The following SNTG1 variants were observed in gnomAD, a reference collection of about 807,000 sequenced individuals.
SNTG1 encodes the protein syntrophin gamma 1.
In SNTG1, 39 loss-of-function variants were observed where a neutral mutation model predicts 74.7. The observed-to-expected ratio is 0.52, with a 90% CI of 0.40 to 0.68. SNTG1 has a LOEUF of 0.68. Ranked by LOEUF, SNTG1 falls within the 30% of genes least tolerant of loss-of-function variation. The pLI is 0.00. For missense variants in SNTG1, 685 were observed against 609.5 expected (o/e 1.12, Z -1.30); for synonymous variants, 254 against 217.1 (o/e 1.17, Z -1.49).
intron 1 of SNTG1, among the ~76,000 whole-genome samples, chr8:50,102,139 C>T (rs1434455036): frequency 2.0e-5 from 3 of 149,756 alleles, no homozygotes; most frequent in Non-Finnish European, 3.0e-5. Flanking sequence ...GCCACACTGA[C>T]TTCCACAATG....
At chr8:50,553,027 T>C (rs762231360) in intron 11 of SNTG1, 23 bp from the exon 12 acceptor site, 1 of 1,612,226 alleles carries the variant, frequency 6.2e-7, no homozygotes, top group Non-Finnish European at 8.5e-7. Context: ...GGTTTTGATC[T>C]GATTTGTTCT....
At chr8:50,246,588 TC>T (rs2086411201) in intron 2 of SNTG1, among the ~76,000 whole-genome samples, 1 of 152,006 alleles carries the variant, frequency 6.6e-6, no homozygotes, top group Admixed American at 6.6e-5. Flanking sequence ...CCTAATGATT[TC>T]CCTCGAAATT....
intron 4 of SNTG1, among the ~76,000 whole-genome samples, chr8:50,421,284 C>G (rs1001990491): frequency 3.9e-5 from 6 of 152,084 alleles, no homozygotes; most frequent in African/African-American, 7.2e-5. Flanking sequence ...GGCAGAGAAG[C>G]GTTCGGGGCT....
chr8:50,792,849 A>T lies in SNTG1; in HGVS notation c.*20A>T, dbSNP rs1172999169. 6.2e-7 allele frequency: 1 copy of T among 1,609,102 alleles called. No individual in the cohort carries two copies. Among genetic ancestry groups the T allele is most frequent in the Non-Finnish European group, 8.5e-7 (1 of 1,177,328 alleles). On this transcript the variant is annotated 3_prime_UTR_variant, in exon 19 of 19. Coordinates refer to ENST00000642720, the MANE Select transcript of SNTG1 (RefSeq NM_018967.5). ...ACTTGACATACTGAACTCTTCATTG[A>T]CACACCCCATGACTGTATAAGCAGG... is the stretch of plus-strand genomic sequence containing the variant.
intron 17 of SNTG1, among the ~76,000 whole-genome samples, chr8:50,720,488 T>C (rs2095485165): frequency 6.6e-6 from 1 of 152,092 alleles, no homozygotes; most frequent in Non-Finnish European, 1.5e-5. Context: ...GTCCCTCCCC[T>C]CAAGAAGTCT....
intron 2 of SNTG1, among the ~76,000 whole-genome samples, chr8:50,272,719 A>G (rs989693048): frequency 3.3e-5 from 5 of 152,146 alleles, no homozygotes; most frequent in Non-Finnish European, 5.9e-5. Flanking sequence ...TATCATTTAT[A>G]TCATACAACT....
At chr8:50,641,352 T>C (rs1425392186) in intron 13 of SNTG1, among the ~76,000 whole-genome samples, 2 of 152,142 alleles carry the variant, frequency 1.3e-5, no homozygotes, top group African/African-American at 4.8e-5. Flanking sequence ...GGAGGAGAAC[T>C]GAACACATCT....
intron 2 of SNTG1, among the ~76,000 whole-genome samples, chr8:50,350,331 C>T (rs1349428671): frequency 6.6e-6 from 1 of 152,198 alleles, no homozygotes; most frequent in Non-Finnish European, 1.5e-5. Flanking sequence ...TGGCAGGCAG[C>T]TCCACCTGTG....
intron 1 of SNTG1, among the ~76,000 whole-genome samples, chr8:49,963,144 G>A (rs1563402034): frequency 1.3e-5 from 2 of 152,156 alleles, no homozygotes; most frequent in African/African-American, 4.8e-5. Context: ...TAAAGTATAA[G>A]GGAATGAATC....
chr8:50,617,307 C>T (rs2094891315), intron 13 of SNTG1, among the ~76,000 whole-genome samples: 1 of 150,908 alleles, frequency 6.6e-6, no homozygotes. Flanking sequence ...TTAATTTGTT[C>T]AATGAGCAAA....
intron 1 of SNTG1, among the ~76,000 whole-genome samples, chr8:50,129,949 TAGGTGA>T (rs1216388092): frequency 6.6e-6 from 1 of 152,202 alleles, no homozygotes; most frequent in East Asian, 1.9e-4. Flanking sequence ...AAAGTAATTT[TAGGTGA>T]CCAGAAATTC....
At chr8:50,377,944 C>T (rs983901756) in intron 2 of SNTG1, among the ~76,000 whole-genome samples, 1 of 152,180 alleles carries the variant, frequency 6.6e-6, no homozygotes, top group Non-Finnish European at 1.5e-5. Context: ...CTATGGGATG[C>T]TTGAGGTGTC....
chr8:50,265,174 A>G (rs918121419), intron 2 of SNTG1, among the ~76,000 whole-genome samples: 3 of 152,130 alleles, frequency 2.0e-5, no homozygotes, highest in Non-Finnish European at 4.4e-5. Context: ...AAAAGACAAC[A>G]CAAAGAAATA....
At chr8:50,517,119 G>C (rs1350592320) in intron 9 of SNTG1, among the ~76,000 whole-genome samples, 2 of 152,304 alleles carry the variant, frequency 1.3e-5, no homozygotes, top group Non-Finnish European at 2.9e-5. Context: ...CAACAAGCCA[G>C]AAGAGAGTGG....
intron 13 of SNTG1, among the ~76,000 whole-genome samples, chr8:50,626,520 C>T (rs2094957326): frequency 6.6e-6 from 1 of 152,196 alleles, no homozygotes. Context: ...TATTTATTGA[C>T]AGCAAGCCAG....
chr8:50,133,968 C>A (rs1452863269), intron 1 of SNTG1, among the ~76,000 whole-genome samples: 2 of 152,128 alleles, frequency 1.3e-5, no homozygotes, highest in Non-Finnish European at 1.5e-5. Flanking sequence ...GCTAGTCCAG[C>A]CTGGGATGCT....
At chr8:50,016,273 TTTG>T (rs1380763737) in intron 1 of SNTG1, among the ~76,000 whole-genome samples, 3 of 152,054 alleles carry the variant, frequency 2.0e-5, no homozygotes, top group East Asian at 1.9e-4. Context: ...AGAGAAATGG[TTTG>T]TTGTTGTTGC....
At chr8:50,164,076 T>A (rs942453260) in intron 1 of SNTG1, 2 of 146,860 alleles carry the variant, frequency 1.4e-5, no homozygotes, top group African/African-American at 5.1e-5. Flanking sequence ...GAGACTTTGA[T>A]AGAAAGACAC....
At chr8:50,501,631 T>C (rs2093957744) in intron 8 of SNTG1, among the ~76,000 whole-genome samples, 2 of 147,962 alleles carry the variant, frequency 1.4e-5, no homozygotes, top group South Asian at 4.2e-4. Context: ...TTTTTTTTTG[T>C]ATTTTTAGCA....
Sources: gnomAD v4.1 joint callset for allele counts (sites outside exome capture counted in the v4.1 genomes callset) on GRCh38, gnomAD v4.1.1 for gene constraint, MANE v1.5 for transcripts, NCBI Gene and HGNC (gene_info 2026-07-23, HGNC 2026-07-21) for gene names.